Variants in GMFG observed in about 807,000 individuals in gnomAD.
GMFG encodes the protein glia maturation factor gamma.
Under a neutral mutation model 26.1 loss-of-function variants are expected in GMFG, and 21 were observed. The ratio of observed to expected loss-of-function variants is 0.80; its 90% CI spans 0.57 to 1.16. The LOEUF (loss-of-function observed/expected upper bound fraction) is 1.16. Ranked by LOEUF, GMFG falls within the 50% of genes most tolerant of loss-of-function variation. The pLI, the probability that GMFG is intolerant of heterozygous loss-of-function variation, is 0.00. For missense variants in GMFG, 161 were observed against 178.3 expected, an observed-to-expected ratio of 0.90 and a Z score of 0.55; for synonymous variants, 65 against 60.8, an observed-to-expected ratio of 1.07 and a Z score of -0.32.
intron 4 of GMFG, among the ~76,000 whole-genome samples, chr19:39,330,426 C>CTT (rs1001139553): frequency 8.1e-5 from 12 of 148,464 alleles, no homozygotes; most frequent in African/African-American, 3.0e-4. Flanking sequence ...TGATCATCGT[C>CTT]TTTTTTTTTT....
In GMFG at chr19:39,335,446, G is replaced by A. The variant is rs1311771235; in HGVS notation, c.89C>T (p.Ala30Val). ...AAGATGTCACTCACTTATGATGGCTGCATTGTCTGTCTCTTTTCGGAAGCG... is the reference window on the plus strand; with the variant it reads ...AAGATGTCACTCACTTATGATGGCTACATTGTCTGTCTCTTTTCGGAAGCG... ...KFRFRKETDN[A>V]AIIMKVDKDR... Residue 30 changes from alanine (A) to valine (V), a missense_variant, in exon 2 of 7, where the codon GCA becomes GTA. Ala to Val is a moderately conservative substitution (Grantham distance 64). Coordinates refer to ENST00000597595, the MANE Select transcript of GMFG (RefSeq NM_004877.4). 2.5e-6 allele frequency: 4 copies of A among 1,611,822 alleles called. No individual in the cohort carries two copies. Among genetic ancestry groups the A allele is most frequent in the Non-Finnish European group, 3.4e-6 (4 of 1,178,050 alleles).
intron 4 of GMFG, among the ~76,000 whole-genome samples, chr19:39,332,173 T>C (rs1274674420): frequency 6.6e-6 from 1 of 151,488 alleles, no homozygotes; most frequent in East Asian, 2.0e-4. Context: ...CTACTAAAAA[T>C]ACAAAAATTA....
At chr19:39,328,887 C>A (rs3837980) in intron 6 of GMFG, 113 bp downstream of exon 6, 100,039 of 821,766 alleles carry the variant, frequency 0.12, 8,369 homozygotes, top group African/African-American at 0.38. Flanking sequence ...TTTAAAAAAA[C>A]AAAAACAAAA....
chr19:39,328,892 A>G (rs1460996456), intron 6 of GMFG, 108 bp downstream of exon 6: 2 of 867,992 alleles, frequency 2.3e-6, no homozygotes, highest in Non-Finnish European at 3.9e-6. Context: ...AAAAACAAAA[A>G]CAAAAACAAA....
rs760501444 is a variant in GMFG at position 39,329,082 on chromosome 19, A to G, written c.284-9T>C. On this transcript the variant is annotated splice_polypyrimidine_tract_variant and intron_variant, in intron 5 of 6. Coordinates refer to ENST00000597595, the MANE Select transcript of GMFG (RefSeq NM_004877.4). ...TTGTTCCGGCTTGCAGCCTGCGTGG[A>G]AAAGAGGAGAAAGGCACATCAGTGG... 5.0e-6 allele frequency: 8 copies of G among 1,604,928 alleles called. No homozygotes were observed. The South Asian group carries it at 8.8e-5, about 18-fold the overall frequency.
At chr19:39,335,124 T>G (rs561513399) in intron 3 of GMFG, 137 bp downstream of exon 3, 2 of 665,508 alleles carry the variant, frequency 3.0e-6, no homozygotes, top group African/African-American at 3.6e-5. Context: ...GTGCTGGGAT[T>G]ACAGGCATGA....
intron 4 of GMFG, among the ~76,000 whole-genome samples, chr19:39,332,028 AT>A (rs775743093): frequency 0.064 from 9,218 of 143,470 alleles, 713 homozygotes; most frequent in African/African-American, 0.19. Flanking sequence ...TGCCTGGCTA[AT>A]TTTTTTTTTT....
intron 3 of GMFG, among the ~76,000 whole-genome samples, chr19:39,333,647 T>A (rs1287539033): frequency 6.6e-6 from 1 of 151,710 alleles, no homozygotes; most frequent in Non-Finnish European, 1.5e-5. Flanking sequence ...CAAGGCATCG[T>A]TCTATGAAAC....
Position 39,333,100 on chromosome 19 carries a change from C to T in GMFG, c.177G>A (p.Met59Ile). 1 of 1,597,594 alleles carries T rather than the reference C, an allele frequency of 6.3e-7. No individual in the cohort carries two copies. The highest frequency in any genetic ancestry group is 8.6e-7 in the Non-Finnish European group (1 of 1,168,756). ...ACCTGGGCTGTCTCTCCGGCAACTC[C>T]ATTTTGAGCTCCTCTGGGGAAATGT... The part of the protein sequence containing the change: ...FQNISPEELK[M>I]ELPERQPRFV... Residue 59 changes from methionine (M) to isoleucine (I), a missense_variant, in exon 4 of 7, where the codon ATG (methionine) becomes ATA (isoleucine). Physicochemically the swap from Met to Ile is conservative, Grantham distance 10. Transcript: ENST00000597595.
chr19:39,330,596 T>A (rs1323863837), intron 4 of GMFG, among the ~76,000 whole-genome samples: 1 of 110,674 alleles, frequency 9.0e-6, no homozygotes, highest in Non-Finnish European at 1.7e-5. Context: ...GCCCAGCTAA[T>A]TTTTTTTTTT....
At chr19:39,332,891 T>C (rs1764633858) in intron 4 of GMFG, 186 bp downstream of exon 4, 1 of 403,506 alleles carries the variant, frequency 2.5e-6, no homozygotes, top group South Asian at 2.2e-5. Flanking sequence ...ACTCCTGACC[T>C]CAAGTGATCC....
chr19:39,332,069 G>A (rs113905232), intron 4 of GMFG, among the ~76,000 whole-genome samples: 3,900 of 151,358 alleles, frequency 0.026, 70 homozygotes, highest in Middle Eastern at 0.034. Context: ...TCCACCAGGC[G>A]CGGTGGCTCA....
Position 39,335,245 on chromosome 19 carries a change from C to T in GMFG, c.150+16G>A. 6.5e-7 allele frequency: 1 copy of T among 1,544,206 alleles called. No individual in the cohort carries two copies. Among genetic ancestry groups the T allele is most frequent in the Non-Finnish European group, 8.7e-7 (1 of 1,143,782 alleles). On this transcript the variant is annotated intron_variant, in intron 3 of 6. Coordinates refer to ENST00000597595, the MANE Select transcript of GMFG (RefSeq NM_004877.4). ...TCACCCTGTACCTCCCAGTCCCAATCACCCCAGCCCATCACCTGAAATTCT... is the reference window on the plus strand; with the variant it reads ...TCACCCTGTACCTCCCAGTCCCAATTACCCCAGCCCATCACCTGAAATTCT...
chr19:39,328,879 T>TAAAAAA, intron 6 of GMFG, 121 bp downstream of exon 6: 1 of 781,968 alleles, frequency 1.3e-6, no homozygotes. Context: ...CCCAGTTCTT[T>TAAAAAA]AAAAAAACAA....
intron 3 of GMFG, among the ~76,000 whole-genome samples, 166 bp from the exon 4 acceptor site, chr19:39,333,292 G>C (rs1300490712): frequency 1.3e-5 from 2 of 152,026 alleles, no homozygotes; most frequent in Non-Finnish European, 2.9e-5. Context: ...TAAAAATACA[G>C]AAAATTAGCC....
At chr19:39,335,626 T>C in intron 1 of GMFG, 95 bp from the exon 2 acceptor site, 1 of 873,960 alleles carries the variant, frequency 1.1e-6, no homozygotes, top group Non-Finnish European at 1.9e-6. Flanking sequence ...AAGAGGAGCA[T>C]CGCGCCGGCC....
chr19:39,329,977 G>A (rs974863997), intron 4 of GMFG, among the ~76,000 whole-genome samples: 1 of 152,084 alleles, frequency 6.6e-6, no homozygotes, highest in South Asian at 2.1e-4. Context: ...TAGTCAGGAG[G>A]CTGAGGCAGG....
chr19:39,333,220 G>A (rs879780884), intron 3 of GMFG, 94 bp from the exon 4 acceptor site: 24 of 604,664 alleles, frequency 4.0e-5, no homozygotes, highest in African/African-American at 1.6e-4. Flanking sequence ...CGAGGCAGGC[G>A]GATCACAAGG....
intron 4 of GMFG, among the ~76,000 whole-genome samples, chr19:39,331,546 A>G (rs1021009973): frequency 6.6e-6 from 1 of 152,154 alleles, no homozygotes; most frequent in African/African-American, 2.4e-5. Flanking sequence ...ATAGTCAAAG[A>G]GCTCTTCCAC....
Sources: allele counts gnomAD v4.1 joint callset (sites outside exome capture counted in the v4.1 genomes callset), GRCh38; gene constraint gnomAD v4.1.1; transcripts MANE v1.5; gene names NCBI Gene and HGNC (gene_info 2026-07-23, HGNC 2026-07-21).